The following PRKCA variants were observed in gnomAD, a reference collection of about 807,000 sequenced individuals.
PRKCA encodes protein kinase C alpha.
In PRKCA, 27 loss-of-function variants were observed where a neutral mutation model predicts 87.0. That is an observed-to-expected ratio of 0.31 (90% CI 0.23 to 0.43). PRKCA has a LOEUF of 0.43. Ranked by LOEUF, PRKCA falls within the 20% of genes least tolerant of loss-of-function variation. PRKCA has a pLI of 1.00. For missense variants in PRKCA, 518 were observed against 852.3 expected (o/e 0.61, Z 4.88); for synonymous variants, 329 against 311.1 (o/e 1.06, Z -0.61).
chr17:66,562,375 C>A (rs1442770297), intron 3 of PRKCA, among the ~76,000 whole-genome samples: 1 of 151,702 alleles, frequency 6.6e-6, no homozygotes, highest in Admixed American at 6.6e-5. Context: ...AGCATGGCAA[C>A]CACTGTGCTG....
chr17:66,496,185 C>G lies in PRKCA; in HGVS notation c.206-16C>G. On this transcript the variant is annotated splice_polypyrimidine_tract_variant and intron_variant, in intron 2 of 16. Coordinates refer to ENST00000413366, the MANE Select transcript of PRKCA (RefSeq NM_002737.3). The stretch of plus-strand genomic sequence containing the variant: ...ATCATGTCTATTCTAATTTTAGTTT[C>G]CTTTTTCTCTACCAGTTTGCTGTTT... 1 of 1,602,448 alleles carries G rather than the reference C, an allele frequency of 6.2e-7. No individual in the cohort carries two copies. Among genetic ancestry groups the G allele is most frequent in the Non-Finnish European group, 8.5e-7 (1 of 1,170,136 alleles).
chr17:66,412,979 C>T (rs1598651134), intron 2 of PRKCA, among the ~76,000 whole-genome samples: 2 of 152,214 alleles, frequency 1.3e-5, no homozygotes, highest in Admixed American at 1.3e-4. Context: ...AGATTCTGCA[C>T]CCCCCACAAC....
chr17:66,361,437 G>C (rs971904465), intron 2 of PRKCA, among the ~76,000 whole-genome samples: 2 of 151,572 alleles, frequency 1.3e-5, no homozygotes, highest in Admixed American at 1.3e-4. Context: ...TCAGTCTCTC[G>C]AGTAGCTGGG....
At chr17:66,671,055 C>A (rs1343755721) in intron 5 of PRKCA, among the ~76,000 whole-genome samples, 1 of 149,584 alleles carries the variant, frequency 6.7e-6, no homozygotes, top group African/African-American at 2.5e-5. Flanking sequence ...ACTAAAAATA[C>A]AAAAAATTAG....
At chr17:66,558,841 G>A (rs1425459879) in intron 3 of PRKCA, among the ~76,000 whole-genome samples, 3 of 152,114 alleles carry the variant, frequency 2.0e-5, no homozygotes, top group Middle Eastern at 3.2e-3. Context: ...ATGGAGGTTC[G>A]GCCATGGACC....
chr17:66,560,284 G>A (rs1968638445), intron 3 of PRKCA, among the ~76,000 whole-genome samples: 1 of 151,894 alleles, frequency 6.6e-6, no homozygotes, highest in Non-Finnish European at 1.5e-5. Context: ...GCTTCAGCTG[G>A]GCCCAAAGGA....
chr17:66,593,051 A>C (rs543371898), intron 3 of PRKCA, among the ~76,000 whole-genome samples: 6 of 152,330 alleles, frequency 3.9e-5, no homozygotes, highest in African/African-American at 1.4e-4. Flanking sequence ...CAGCCTACCA[A>C]AGTGCTGGGA....
chr17:66,734,630 G>T (rs1330874663), intron 9 of PRKCA, among the ~76,000 whole-genome samples: 1 of 152,166 alleles, frequency 6.6e-6, no homozygotes, highest in Non-Finnish European at 1.5e-5. Context: ...CCTGTGTCTT[G>T]TGATACTAGC....
intron 13 of PRKCA, among the ~76,000 whole-genome samples, chr17:66,756,336 C>T (rs1208058247): frequency 2.0e-5 from 3 of 152,082 alleles, no homozygotes; most frequent in African/African-American, 7.2e-5. Flanking sequence ...CCCATCCTCT[C>T]CCACCCAAGA....
chr17:66,387,517 A>G (rs921308203), intron 2 of PRKCA, among the ~76,000 whole-genome samples: 3 of 152,228 alleles, frequency 2.0e-5, no homozygotes, highest in Non-Finnish European at 4.4e-5. Context: ...CTGATGGCTC[A>G]GTAAAAGGAG....
At chr17:66,723,976 G>A (rs924963449) in intron 8 of PRKCA, among the ~76,000 whole-genome samples, 13 of 152,172 alleles carry the variant, frequency 8.5e-5, no homozygotes, top group Admixed American at 3.3e-4. Flanking sequence ...TCTCAGAGAC[G>A]AGTGAATTTG....
At chr17:66,801,377 C>T (rs1307157621) in intron 16 of PRKCA, among the ~76,000 whole-genome samples, 1 of 152,112 alleles carries the variant, frequency 6.6e-6, no homozygotes, top group African/African-American at 2.4e-5. Flanking sequence ...GTCATGATGA[C>T]CAAAAATGGG....
intron 2 of PRKCA, among the ~76,000 whole-genome samples, chr17:66,389,420 A>C (rs1910242286): frequency 6.6e-6 from 1 of 152,176 alleles, no homozygotes; most frequent in Non-Finnish European, 1.5e-5. Flanking sequence ...TAGCTCTGTG[A>C]CCAGAGTGGC....
chr17:66,430,732 T>A (rs1192883585), intron 2 of PRKCA, among the ~76,000 whole-genome samples: 1 of 152,142 alleles, frequency 6.6e-6, no homozygotes, highest in Non-Finnish European at 1.5e-5. Context: ...CCTTTGCCTT[T>A]GTCCACATAG....
chr17:66,497,491 C>G (rs573801585), intron 3 of PRKCA, among the ~76,000 whole-genome samples: 2 of 148,450 alleles, frequency 1.3e-5, no homozygotes, highest in African/African-American at 5.0e-5. Context: ...AGCAAAACTC[C>G]GTCTCAAAAA....
intron 2 of PRKCA, among the ~76,000 whole-genome samples, chr17:66,376,246 A>C (rs954134146): frequency 6.6e-6 from 1 of 152,124 alleles, no homozygotes; most frequent in African/African-American, 2.4e-5. Flanking sequence ...GCACAGTAGG[A>C]GAGGTTCAGA....
chr17:66,345,529 G>C (rs1907307245), intron 2 of PRKCA, among the ~76,000 whole-genome samples: 1 of 152,280 alleles, frequency 6.6e-6, no homozygotes, highest in Admixed American at 6.5e-5. Flanking sequence ...AGCCTCCCGA[G>C]GGATGCATTC....
chr17:66,545,988 T>C (rs1370365128), intron 3 of PRKCA, among the ~76,000 whole-genome samples: 1 of 152,260 alleles, frequency 6.6e-6, no homozygotes, highest in Non-Finnish European at 1.5e-5. Context: ...TTTAGATTAA[T>C]GTTACCATGA....
chr17:66,320,376 A>G (rs115772332), intron 2 of PRKCA, among the ~76,000 whole-genome samples: 1 of 142,790 alleles, frequency 7.0e-6, no homozygotes, highest in African/African-American at 2.7e-5. Flanking sequence ...CCAATACTCT[A>G]TTTTTTTTTT....
Sources: allele counts gnomAD v4.1 joint callset (sites outside exome capture counted in the v4.1 genomes callset), GRCh38; gene constraint gnomAD v4.1.1; transcripts MANE v1.5; gene names NCBI Gene and HGNC (gene_info 2026-07-23, HGNC 2026-07-21).